NEGR1: variants seen among roughly 807,000 people sequenced by gnomAD.
NEGR1 encodes neuronal growth regulator 1.
NEGR1 carries 10 observed loss-of-function variants against 40.9 expected under a neutral mutation model. The ratio of observed to expected loss-of-function variants is 0.24; its 90% CI spans 0.15 to 0.42. The LOEUF (loss-of-function observed/expected upper bound fraction) is 0.42, where lower values mean the gene tolerates loss of function less well. Ranked by LOEUF, NEGR1 falls within the 10% of genes least tolerant of loss-of-function variation. The probability of loss-of-function intolerance (pLI) is 1.00; values close to 1 mark genes in which losing one functional copy is unlikely to be tolerated. For missense variants in NEGR1, 352 were observed against 438.9 expected, an observed-to-expected ratio of 0.80 and a Z score of 1.77; for synonymous variants, 185 against 166.8, an observed-to-expected ratio of 1.11 and a Z score of -0.84.
chr1:71,735,386 A>G (rs1228350803), intron 3 of NEGR1, among the ~76,000 whole-genome samples: 1 of 152,134 alleles, frequency 6.6e-6, no homozygotes, highest in African/African-American at 2.4e-5. Context: ...CACAAAATAC[A>G]TCACTATAAT....
chr1:71,478,861 A>G (rs1442565322), intron 6 of NEGR1, among the ~76,000 whole-genome samples: 1 of 151,842 alleles, frequency 6.6e-6, no homozygotes, highest in African/African-American at 2.4e-5. Flanking sequence ...GATGATAGAT[A>G]GGGAAAAAAA....
At chr1:72,180,963 G>A (rs1652346331) in intron 1 of NEGR1, among the ~76,000 whole-genome samples, 1 of 152,012 alleles carries the variant, frequency 6.6e-6, no homozygotes, top group Non-Finnish European at 1.5e-5. Flanking sequence ...TGACTGTGGT[G>A]CTGATGGTGC....
At chr1:71,985,079 C>T (rs888613951) in intron 1 of NEGR1, among the ~76,000 whole-genome samples, 3 of 152,056 alleles carry the variant, frequency 2.0e-5, no homozygotes, top group Non-Finnish European at 4.4e-5. Context: ...ATTTTGAACC[C>T]AGGCAATTTG....
chr1:71,522,647 G>T (rs1647167255), intron 6 of NEGR1, among the ~76,000 whole-genome samples: 1 of 151,362 alleles, frequency 6.6e-6, no homozygotes, highest in South Asian at 2.1e-4. Context: ...CTTACTCATG[G>T]TGTGGGCCTA....
intron 2 of NEGR1, among the ~76,000 whole-genome samples, chr1:71,919,904 T>A (rs528490932): frequency 2.6e-5 from 4 of 152,208 alleles, no homozygotes; most frequent in Non-Finnish European, 5.9e-5. Flanking sequence ...GAACTTTCCA[T>A]GCAATGACAC....
At chr1:71,520,473 G>C in intron 6 of NEGR1, among the ~76,000 whole-genome samples, 1 of 152,046 alleles carries the variant, frequency 6.6e-6, no homozygotes, top group Non-Finnish European at 1.5e-5. Context: ...CTTAAGTGAG[G>C]GAGTCAATAC....
intron 1 of NEGR1, among the ~76,000 whole-genome samples, chr1:72,032,670 CAT>C (rs1646869255): frequency 6.6e-6 from 1 of 152,096 alleles, no homozygotes; most frequent in Admixed American, 6.6e-5. Flanking sequence ...TACATTCATA[CAT>C]ATATATATTC....
intron 1 of NEGR1, among the ~76,000 whole-genome samples, chr1:72,021,037 C>T (rs978986792): frequency 3.3e-5 from 5 of 152,124 alleles, no homozygotes; most frequent in African/African-American, 1.2e-4. Flanking sequence ...GAAACATTTA[C>T]AAAAACCTAA....
chr1:71,477,917 C>A (rs1283176053), intron 6 of NEGR1, among the ~76,000 whole-genome samples: 1 of 151,724 alleles, frequency 6.6e-6, no homozygotes, highest in Admixed American at 6.6e-5. Flanking sequence ...ATACATAAAG[C>A]TTAAAACCTG....
At chr1:72,202,012 C>T (rs1034483843) in intron 1 of NEGR1, among the ~76,000 whole-genome samples, 7 of 151,930 alleles carry the variant, frequency 4.6e-5, no homozygotes, top group African/African-American at 1.4e-4. Context: ...TCCAACATCA[C>T]GTACTTACTT....
Position 72,233,699 on chromosome 1 carries a change from G to A in NEGR1, c.176+48620C>T, listed in dbSNP as rs1050418372. Among the ~76,000 whole-genome samples the A allele has an allele frequency of 5.9e-5, 9 of 152,176 alleles. No individual in the cohort carries two copies. The East Asian group carries it at 1.7e-3, about 29-fold the overall frequency. On this transcript the variant is annotated intron_variant, in intron 1 of 6. Transcript: ENST00000357731. ...TTTCTATATCCAATCCATTATTGAT[G>A]AGCACCTAGGTTGATTTTGTGTCTT...
intron 1 of NEGR1, among the ~76,000 whole-genome samples, chr1:72,101,583 T>C (rs936896140): frequency 2.6e-5 from 4 of 152,138 alleles, no homozygotes; most frequent in African/African-American, 9.7e-5. Flanking sequence ...AGGAGACTTC[T>C]TTTTTTAAAT....
intron 4 of NEGR1, among the ~76,000 whole-genome samples, chr1:71,673,332 AAG>A (rs1194296309): frequency 6.6e-6 from 1 of 152,174 alleles, no homozygotes; most frequent in East Asian, 1.9e-4. Context: ...AAGTGTAGAC[AAG>A]AGAGTCCATA....
chr1:71,526,393 T>G (rs751539919), intron 6 of NEGR1, among the ~76,000 whole-genome samples: 4 of 151,614 alleles, frequency 2.6e-5, no homozygotes, highest in Non-Finnish European at 4.4e-5. Context: ...CAGTATTATG[T>G]CTGCACAGTA....
At chr1:71,982,132 C>A (rs1646359535) in intron 1 of NEGR1, among the ~76,000 whole-genome samples, 1 of 152,088 alleles carries the variant, frequency 6.6e-6, no homozygotes, top group African/African-American at 2.4e-5. Context: ...TAAGGAAATA[C>A]AATGGTAAAT....
At chr1:71,729,632 TTTG>T (rs548932611) in intron 3 of NEGR1, among the ~76,000 whole-genome samples, 1 of 151,886 alleles carries the variant, frequency 6.6e-6, no homozygotes, top group Non-Finnish European at 1.5e-5. Flanking sequence ...CTGAATAATT[TTTG>T]TTGTTGTTTT....
At chr1:72,147,474 G>A (rs539455029) in intron 1 of NEGR1, among the ~76,000 whole-genome samples, 1 of 152,196 alleles carries the variant, frequency 6.6e-6, no homozygotes, top group African/African-American at 2.4e-5. Context: ...AGGACACATG[G>A]GAATTCTGGG....
intron 1 of NEGR1, chr1:72,100,768 C>T (rs1648905583): frequency 6.6e-6 from 1 of 152,172 alleles, no homozygotes; most frequent in South Asian, 2.1e-4. Flanking sequence ...CTCGGGCTTC[C>T]ATAACAAAAT....
At chr1:72,219,917 T>A (rs1442479926) in intron 1 of NEGR1, among the ~76,000 whole-genome samples, 1 of 152,070 alleles carries the variant, frequency 6.6e-6, no homozygotes, top group Non-Finnish European at 1.5e-5. Context: ...TAATGGTTGT[T>A]ACCTACAGTT....
Sources: gnomAD v4.1 joint callset for allele counts (sites outside exome capture counted in the v4.1 genomes callset) on GRCh38, gnomAD v4.1.1 for gene constraint, MANE v1.5 for transcripts, NCBI Gene and HGNC (gene_info 2026-07-23, HGNC 2026-07-21) for gene names.